The following PCDH9 variants were observed in gnomAD, a reference collection of about 807,000 sequenced individuals.
PCDH9 encodes the protein protocadherin 9.
A neutral mutation model predicts 70.6 loss-of-function variants in PCDH9; 24 were observed. The ratio of observed to expected loss-of-function variants is 0.34; its 90% CI spans 0.25 to 0.48. PCDH9 has a LOEUF of 0.48. PCDH9 is among the 20% of genes least tolerant of loss of function. The pLI is 0.99. For synonymous variants in PCDH9, 562 were observed against 558.5 expected (o/e 1.01, Z -0.09); for missense variants, 1,281 against 1,503.6 (o/e 0.85, Z 2.45).
At chr13:66,763,267 G>C (rs1007202726) in intron 3 of PCDH9, among the ~76,000 whole-genome samples, 3 of 151,810 alleles carry the variant, frequency 2.0e-5, no homozygotes, top group Non-Finnish European at 2.9e-5. Context: ...GAAAATAAAC[G>C]TACAACTTTG....
At chr13:66,814,438 A>T (rs530336717) in intron 3 of PCDH9, among the ~76,000 whole-genome samples, 1 of 152,258 alleles carries the variant, frequency 6.6e-6, no homozygotes, top group Admixed American at 6.5e-5. Context: ...TATTAATGTA[A>T]AAGCTATTAA....
chr13:66,792,997 A>T (rs1473356640), intron 3 of PCDH9, among the ~76,000 whole-genome samples: 1 of 152,140 alleles, frequency 6.6e-6, no homozygotes, highest in Non-Finnish European at 1.5e-5. Context: ...TTTTCACCTT[A>T]GTTGATTGGA....
At chr13:66,650,397 AT>A (rs1376840094) in intron 3 of PCDH9, among the ~76,000 whole-genome samples, 3 of 152,054 alleles carry the variant, frequency 2.0e-5, no homozygotes, top group Non-Finnish European at 4.4e-5. Context: ...TTATATAATG[AT>A]AAAGGGGCCA....
At chr13:66,526,313 G>A (rs1260355681) in intron 4 of PCDH9, among the ~76,000 whole-genome samples, 1 of 152,050 alleles carries the variant, frequency 6.6e-6, no homozygotes, top group South Asian at 2.1e-4. Flanking sequence ...TGATCCTGCG[G>A]TGCTAATAAA....
At chr13:67,152,233 G>T (rs542849736) in intron 2 of PCDH9, among the ~76,000 whole-genome samples, 1 of 152,256 alleles carries the variant, frequency 6.6e-6, no homozygotes, top group East Asian at 1.9e-4. Context: ...ACTCTGCCAG[G>T]CAGTGAACTA....
intron 2 of PCDH9, among the ~76,000 whole-genome samples, chr13:66,919,454 C>T (rs142079768): frequency 1.3e-5 from 2 of 151,152 alleles, no homozygotes; most frequent in South Asian, 2.1e-4. Flanking sequence ...TCCTTGATGT[C>T]TTCTGTGCTA....
chr13:66,976,655 T>C (rs2083626528), intron 2 of PCDH9, among the ~76,000 whole-genome samples: 1 of 152,036 alleles, frequency 6.6e-6, no homozygotes, highest in African/African-American at 2.4e-5. Flanking sequence ...GCAAGGCAGG[T>C]AGAGCTAGGA....
At chr13:66,823,164 T>C (rs2139385273) in intron 3 of PCDH9, among the ~76,000 whole-genome samples, 1 of 152,080 alleles carries the variant, frequency 6.6e-6, no homozygotes, top group African/African-American at 2.4e-5. Flanking sequence ...AGTACCAAAG[T>C]TGTACATATT....
chr13:66,911,157 A>G (rs2082458473), intron 2 of PCDH9, among the ~76,000 whole-genome samples: 1 of 152,152 alleles, frequency 6.6e-6, no homozygotes, highest in Non-Finnish European at 1.5e-5. Context: ...GAATTAAGCA[A>G]TAGAACTCTA....
chr13:66,503,560 T>C (rs1268781748), intron 4 of PCDH9, among the ~76,000 whole-genome samples: 1 of 152,200 alleles, frequency 6.6e-6, no homozygotes, highest in Non-Finnish European at 1.5e-5. Flanking sequence ...TGAAAGATAT[T>C]GAGTTTTGAA....
chr13:66,857,910 G>T (rs1270488349), intron 3 of PCDH9, among the ~76,000 whole-genome samples: 1 of 152,044 alleles, frequency 6.6e-6, no homozygotes, highest in African/African-American at 2.4e-5. Flanking sequence ...AAGCCTCAAA[G>T]CCAGGGACAA....
At chr13:67,012,554 A>G (rs2079162581) in intron 2 of PCDH9, among the ~76,000 whole-genome samples, 1 of 152,014 alleles carries the variant, frequency 6.6e-6, no homozygotes, top group South Asian at 2.1e-4. Flanking sequence ...AAAATTCTGA[A>G]TCATTGTTCC....
chr13:66,935,090 G>A (rs1361787555), intron 2 of PCDH9, among the ~76,000 whole-genome samples: 1 of 151,218 alleles, frequency 6.6e-6, no homozygotes, highest in African/African-American at 2.4e-5. Flanking sequence ...TGGAGACGGG[G>A]TCTCAATCTC....
At chr13:67,088,800 GTTTAAC>G (rs1240744646) in intron 2 of PCDH9, among the ~76,000 whole-genome samples, 1 of 151,968 alleles carries the variant, frequency 6.6e-6, no homozygotes, top group Non-Finnish European at 1.5e-5. Flanking sequence ...CTACTGAGCA[GTTTAAC>G]TATGCAATTC....
chr13:66,990,120 C>T (rs1351047403), intron 2 of PCDH9, among the ~76,000 whole-genome samples: 2 of 151,714 alleles, frequency 1.3e-5, no homozygotes, highest in African/African-American at 4.8e-5. Context: ...ATTTTTAAAG[C>T]CTTAGCAAAT....
intron 2 of PCDH9, among the ~76,000 whole-genome samples, chr13:67,191,692 C>A (rs2088918678): frequency 6.6e-6 from 1 of 152,114 alleles, no homozygotes; most frequent in Admixed American, 6.6e-5. Context: ...TTATCACCCC[C>A]ACCTGGACTT....
intron 3 of PCDH9, among the ~76,000 whole-genome samples, chr13:66,691,990 T>G (rs2078494170): frequency 6.6e-6 from 1 of 152,220 alleles, no homozygotes; most frequent in Non-Finnish European, 1.5e-5. Context: ...CATCCAAATC[T>G]CTGGCTAGGT....
intron 3 of PCDH9, among the ~76,000 whole-genome samples, chr13:66,900,379 C>T (rs1366236436): frequency 6.6e-6 from 1 of 151,746 alleles, no homozygotes. Context: ...CTTATTTTTG[C>T]ATGTATTAAA....
intron 2 of PCDH9, among the ~76,000 whole-genome samples, chr13:67,131,774 T>C (rs540192537): frequency 3.9e-4 from 60 of 152,296 alleles, no homozygotes; most frequent in African/African-American, 1.4e-3. Context: ...TTTCCTTCAA[T>C]TACAATCGGC....
Sources: allele counts gnomAD v4.1 joint callset (sites outside exome capture counted in the v4.1 genomes callset), GRCh38; gene constraint gnomAD v4.1.1; transcripts MANE v1.5; gene names NCBI Gene and HGNC (gene_info 2026-07-23, HGNC 2026-07-21).